The following ST3GAL3 variants were observed in gnomAD, a reference collection of about 807,000 sequenced individuals.
ST3GAL3 encodes ST3 beta-galactoside alpha-2,3-sialyltransferase 3.
In ST3GAL3, 21 loss-of-function variants were observed where a neutral mutation model predicts 50.1. That is an observed-to-expected ratio of 0.42 (90% CI 0.30 to 0.60). The LOEUF (loss-of-function observed/expected upper bound fraction) is 0.60, where lower values mean the gene tolerates loss of function less well. Ranked by LOEUF, ST3GAL3 falls within the 20% of genes least tolerant of loss-of-function variation. The pLI, the probability that ST3GAL3 is intolerant of heterozygous loss-of-function variation, is 0.19. For missense variants in ST3GAL3, 353 were observed against 489.4 expected (o/e 0.72, Z 2.63); for synonymous variants, 183 against 190.0 (o/e 0.96, Z 0.30).
At chr1:43,914,514 G>T (rs1489926594) in intron 9 of ST3GAL3, 1 of 152,224 alleles carries the variant, frequency 6.6e-6, no homozygotes, top group Non-Finnish European at 1.5e-5. Context: ...ACCTGGGTTT[G>T]AATCCACTTG....
chr1:43,725,705 G>A (rs1046360893), intron 1 of ST3GAL3, among the ~76,000 whole-genome samples: 1 of 152,034 alleles, frequency 6.6e-6, no homozygotes, highest in Admixed American at 6.5e-5. Context: ...GGAGTGTACT[G>A]GCATGGTCTC....
chr1:43,716,154 T>A (rs544954347), intron 1 of ST3GAL3, among the ~76,000 whole-genome samples: 1 of 152,338 alleles, frequency 6.6e-6, no homozygotes, highest in Non-Finnish European at 1.5e-5. Context: ...TCTGATAATA[T>A]TAATGGCAAA....
At chr1:43,928,130 A>G (rs1172630753) in intron 11 of ST3GAL3, among the ~76,000 whole-genome samples, 1 of 152,244 alleles carries the variant, frequency 6.6e-6, no homozygotes, top group African/African-American at 2.4e-5. Context: ...AGAGCAAGCC[A>G]TAAGTTCTTT....
intron 9 of ST3GAL3, among the ~76,000 whole-genome samples, chr1:43,908,110 C>G (rs780000977): frequency 7.2e-5 from 11 of 152,226 alleles, no homozygotes; most frequent in Non-Finnish European, 1.2e-4. Flanking sequence ...TCTTAAAACT[C>G]ATGGCCAAAA....
rs568229981 is a variant in ST3GAL3, at chr1:43,899,053, T to C, written c.462-115T>C. 4.7e-6 allele frequency: 7 copies of C among 1,473,778 alleles called. No homozygotes were observed. The African/African-American group carries it at 9.7e-5, about 20-fold the overall frequency. 91.3% of individuals were successfully genotyped at this position (1,473,778 alleles called of 1,614,324 possible). A position where few individuals can be genotyped will look rare whatever the true frequency, so the allele number is the denominator to read the frequency against. On this transcript the variant is annotated intron_variant, in intron 7 of 11. Transcript: ENST00000347631. This position sits in a 1 kb window ranked among gnomAD's most constrained non-coding sequence, Gnocchi z 5.4. ...TGCTGCCAGAAGCCCATTGGTCTTC[T>C]TCCTCTATCCCAGCCTGGTCCTGGA...
chr1:43,783,480 A>G (rs1700015359), intron 2 of ST3GAL3, among the ~76,000 whole-genome samples: 1 of 152,182 alleles, frequency 6.6e-6, no homozygotes, highest in Non-Finnish European at 1.5e-5. Flanking sequence ...GACTCGATAG[A>G]AAGGTGAATC....
intron 1 of ST3GAL3, among the ~76,000 whole-genome samples, chr1:43,726,342 G>T (rs1413929340): frequency 6.6e-6 from 1 of 150,944 alleles, no homozygotes; most frequent in Non-Finnish European, 1.5e-5. Context: ...GCTGGAGTGC[G>T]GTGGCATGAT....
At chr1:43,777,907 AC>A (rs970978943) in intron 2 of ST3GAL3, among the ~76,000 whole-genome samples, 1 of 152,226 alleles carries the variant, frequency 6.6e-6, no homozygotes, top group Non-Finnish European at 1.5e-5. Context: ...ATACCATTTG[AC>A]CCAGCAATCC....
intron 3 of ST3GAL3, among the ~76,000 whole-genome samples, chr1:43,802,572 T>A (rs1181997051): frequency 3.9e-5 from 6 of 152,256 alleles, no homozygotes; most frequent in African/African-American, 1.4e-4. Flanking sequence ...AGAACAGGTG[T>A]GTTGCCCTTC....
chr1:43,851,504 C>T lies in ST3GAL3; in HGVS notation c.302+13193C>T, dbSNP rs556636282. ...CAGTCCTGCCTTAGTATCTCTGGCC[C>T]GGGTACCCCTCAGAGTATTTGTTAT... On this transcript the variant is annotated intron_variant, in intron 5 of 11. Transcript: ENST00000347631. The T allele has an allele frequency of 2.4e-4, 382 of 1,599,032 alleles. 2 individuals carry two copies. The African/African-American group carries it at 4.4e-3, about 18-fold the overall frequency.
At chr1:43,803,996 C>T (rs2059605008) in intron 3 of ST3GAL3, among the ~76,000 whole-genome samples, 1 of 152,164 alleles carries the variant, frequency 6.6e-6, no homozygotes, top group African/African-American at 2.4e-5. Context: ...GCTTTCATAC[C>T]TGGGGAGGAG....
At chr1:43,805,878 G>A (rs1302128619) in intron 3 of ST3GAL3, among the ~76,000 whole-genome samples, 1 of 152,146 alleles carries the variant, frequency 6.6e-6, no homozygotes, top group Non-Finnish European at 1.5e-5. Context: ...TGGGATTACA[G>A]GCACGCACCA....
chr1:43,758,424 T>G (rs1688943246), intron 2 of ST3GAL3, among the ~76,000 whole-genome samples: 1 of 152,150 alleles, frequency 6.6e-6, no homozygotes, highest in Non-Finnish European at 1.5e-5. Flanking sequence ...CTAATGTTTT[T>G]AAATTTTTTG....
intron 1 of ST3GAL3, among the ~76,000 whole-genome samples, chr1:43,729,447 C>T (rs181700900): frequency 5.1e-4 from 78 of 152,228 alleles, no homozygotes; most frequent in African/African-American, 1.8e-3. Flanking sequence ...ATATTAATTC[C>T]AGTTTTCCCT....
At chr1:43,821,823 CA>C (rs1276761752) in intron 4 of ST3GAL3, among the ~76,000 whole-genome samples, 2 of 152,162 alleles carry the variant, frequency 1.3e-5, no homozygotes, top group Non-Finnish European at 2.9e-5. Flanking sequence ...CGAAAAGTCT[CA>C]GGGGTAAAGG....
chr1:43,754,007 C>T (rs903854957), intron 2 of ST3GAL3, among the ~76,000 whole-genome samples: 3 of 152,132 alleles, frequency 2.0e-5, no homozygotes, highest in Non-Finnish European at 2.9e-5. Flanking sequence ...GAAATCTGTA[C>T]GTATATGCAC....
intron 1 of ST3GAL3, among the ~76,000 whole-genome samples, chr1:43,723,375 C>T (rs906401155): frequency 1.3e-5 from 2 of 152,044 alleles, no homozygotes; most frequent in Admixed American, 6.6e-5. Flanking sequence ...TCCCAAAGTG[C>T]TGGAATTACA....
chr1:43,817,733 C>CCT (rs1553351631), intron 4 of ST3GAL3, among the ~76,000 whole-genome samples: 2 of 112,906 alleles, frequency 1.8e-5, no homozygotes, highest in Non-Finnish European at 3.5e-5. Flanking sequence ...CTCCTCCTCC[C>CCT]CCTCCTCCTC....
intron 4 of ST3GAL3, among the ~76,000 whole-genome samples, chr1:43,828,162 A>C (rs1301404437): frequency 6.6e-6 from 1 of 152,208 alleles, no homozygotes; most frequent in African/African-American, 2.4e-5. Flanking sequence ...AAAAAGGATA[A>C]TTTTTTCAAT....
Sources: allele counts gnomAD v4.1 joint callset (sites outside exome capture counted in the v4.1 genomes callset), GRCh38; gene constraint gnomAD v4.1.1; non-coding constraint Gnocchi (gnomAD v3.1); transcripts MANE v1.5; gene names NCBI Gene and HGNC (gene_info 2026-07-23, HGNC 2026-07-21).